FRYL: variants seen among roughly 807,000 people sequenced by gnomAD.
FRYL encodes FRY like transcription coactivator, also known as protein furry homolog-like.
In FRYL, 150 loss-of-function variants were observed where a neutral mutation model predicts 351.2. The observed-to-expected ratio is 0.43, with a 90% CI of 0.37 to 0.49. The LOEUF (loss-of-function observed/expected upper bound fraction) is 0.49, where lower values mean the gene tolerates loss of function less well. Among genes scored for constraint, FRYL ranks in the 20% least tolerant of loss-of-function variants. The pLI is 0.00. For synonymous variants in FRYL, 1,153 were observed against 1,257.1 expected (o/e 0.92, Z 1.75); for missense variants, 3,036 against 3,619.3 (o/e 0.84, Z 4.13).
intron 4 of FRYL, among the ~76,000 whole-genome samples, chr4:48,633,691 TTC>T (rs1753696544): frequency 6.6e-6 from 1 of 152,204 alleles, no homozygotes; most frequent in South Asian, 2.1e-4. Flanking sequence ...TTGATTTTAC[TTC>T]TGTTATTTCT....
chr4:48,620,770 G>A lies in FRYL; in HGVS notation c.183C>T (p.Ser61=). The part of the protein sequence containing the change: ...GEDLQFDQLI[S]SMSSVAEHCL... Reference sequence around the variant, plus strand: ...AGTGCTCTGCTACTGAGCTCATAGAGCTTATCAACTGAAAACACAAGATAT... The same window carrying A: ...AGTGCTCTGCTACTGAGCTCATAGAACTTATCAACTGAAAACACAAGATAT... Residue 61 remains serine, a synonymous_variant, in exon 6 of 64, where the codon AGC becomes AGT. Transcript: ENST00000358350. 2 of 1,611,882 alleles carry A rather than the reference G, an allele frequency of 1.2e-6. No individual in the cohort carries two copies. The highest frequency in any genetic ancestry group is 1.7e-6 in the Non-Finnish European group (2 of 1,178,384).
intron 1 of FRYL, among the ~76,000 whole-genome samples, chr4:48,744,945 C>T (rs1013882932): frequency 2.6e-5 from 4 of 151,918 alleles, no homozygotes; most frequent in South Asian, 2.1e-4. Context: ...ACAAAGAAGG[C>T]GGCAAAGGAT....
intron 33 of FRYL, 33 bp from the exon 34 acceptor site, chr4:48,557,745 G>T (rs1169438571): frequency 6.2e-7 from 1 of 1,607,770 alleles, no homozygotes; most frequent in Non-Finnish European, 8.5e-7. Context: ...GATAACTGAT[G>T]TAATTTCAGC....
rs377758859 is a variant in FRYL at position 48,593,913 on chromosome 4, C to T, written c.1335+17G>A. 8.8e-7 allele frequency: 1 copy of T among 1,134,014 alleles called. No individual in the cohort carries two copies. Among genetic ancestry groups the T allele is most frequent in the Non-Finnish European group, 1.2e-6 (1 of 845,572 alleles). 70.2% of individuals were successfully genotyped at this position (1,134,014 alleles called of 1,614,324 possible). On this transcript the variant is annotated intron_variant, in intron 16 of 63. Transcript: ENST00000358350. ...AAAAATCTAGGATTTTATATTATTA[C>T]ATTATAATTTTTTTACCTCTGGATT...
chr4:48,684,105 T>C (rs1281751533), intron 3 of FRYL, among the ~76,000 whole-genome samples: 1 of 152,182 alleles, frequency 6.6e-6, no homozygotes, highest in Non-Finnish European at 1.5e-5. Context: ...GTAATAGGGA[T>C]AGGATTAGGT....
At chr4:48,602,192 T>A in intron 12 of FRYL, 71 bp from the exon 13 acceptor site, 1 of 759,854 alleles carries the variant, frequency 1.3e-6, no homozygotes, top group South Asian at 1.5e-5. Context: ...AATTTTATAT[T>A]TCATTTATTC....
At chr4:48,592,001 C>G (rs1437688934) in intron 16 of FRYL, among the ~76,000 whole-genome samples, 3 of 150,134 alleles carry the variant, frequency 2.0e-5, no homozygotes, top group Non-Finnish European at 4.4e-5. Flanking sequence ...TGATCTACAC[C>G]AGTGGTCTCT....
chr4:48,757,811 C>T (rs1242573816), intron 1 of FRYL, among the ~76,000 whole-genome samples: 6 of 152,178 alleles, frequency 3.9e-5, no homozygotes, highest in Non-Finnish European at 7.3e-5. Flanking sequence ...AAGCTGGAGG[C>T]ATCATGCTAC....
At chr4:48,669,561 G>T (rs1242651110) in intron 3 of FRYL, among the ~76,000 whole-genome samples, 5 of 148,366 alleles carry the variant, frequency 3.4e-5, no homozygotes, top group Non-Finnish European at 1.5e-5. Context: ...TATTATAAGG[G>T]TATATATATA....
chr4:48,607,826 T>C (rs1747190905), intron 9 of FRYL, among the ~76,000 whole-genome samples: 1 of 152,240 alleles, frequency 6.6e-6, no homozygotes. Context: ...TTGGACTTAC[T>C]ATCCTTGCCA....
intron 4 of FRYL, among the ~76,000 whole-genome samples, chr4:48,630,499 C>T (rs758212210): frequency 2.6e-5 from 4 of 152,036 alleles, no homozygotes; most frequent in Non-Finnish European, 5.9e-5. Flanking sequence ...CTTTTCTAGT[C>T]CCCAGCAATC....
chr4:48,753,750 CTTTAT>C (rs61548635), intron 1 of FRYL, among the ~76,000 whole-genome samples: 77,067 of 151,334 alleles, frequency 0.51, 20,018 homozygotes, highest in African/African-American at 0.6. Context: ...TTTTTAAGAA[CTTTAT>C]AATTTTAACT....
chr4:48,675,382 C>CCTGCG lies in FRYL; in HGVS notation c.-81+9290_-81+9291insCGCAG, dbSNP rs1763452336. ...AAACCGGGGCTGCCTGCGGCGCTTG[C>CCTGCG]GGGCCAGCTGGAGTTCCGGGTGGGC... On this transcript the variant is annotated intron_variant, in intron 3 of 63. Transcript: ENST00000358350. 8.5e-5 allele frequency among the ~76,000 whole-genome samples: 13 copies of CCTGCG among 152,326 alleles called. 1 individual carries two copies. The highest frequency in any genetic ancestry group is 8.5e-4 in the Admixed American group (13 of 15,306).
intron 53 of FRYL, among the ~76,000 whole-genome samples, chr4:48,525,163 G>GTATATATATATATATATATA (rs57457069): frequency 1.4e-5 from 2 of 139,920 alleles, no homozygotes; most frequent in African/African-American, 5.7e-5. Context: ...ATTTTTAAAG[G>GTATATATATATATATATATA]TATATATATA....
At chr4:48,714,310 T>TA (rs1258427619) in intron 1 of FRYL, among the ~76,000 whole-genome samples, 1 of 145,056 alleles carries the variant, frequency 6.9e-6, no homozygotes, top group Non-Finnish European at 1.5e-5. Flanking sequence ...AAAAAACCCT[T>TA]AAAAAAATTA....
chr4:48,652,950 T>A (rs1220294516), intron 3 of FRYL, among the ~76,000 whole-genome samples: 1 of 152,182 alleles, frequency 6.6e-6, no homozygotes, highest in Non-Finnish European at 1.5e-5. Flanking sequence ...AACATGATAA[T>A]AGAACCTGTG....
Position 48,576,216 on chromosome 4 carries a change from G to T in FRYL, c.2535C>A (p.Pro845=). The change falls in exon 24 of 64, where the codon CCC becomes CCA. Residue 845 remains proline, a synonymous_variant. Coordinates refer to ENST00000358350, the MANE Select transcript of FRYL (RefSeq NM_015030.2). ...TGGTATTTACTTTCTTAGCATTGAT[G>T]GGGCTACTAAGGAAAAAAAAAGAAA... The part of the protein sequence containing the change: ...LLSPQVDINS[P]INAKKVNTTT... The T allele has an allele frequency of 6.3e-7, 1 of 1,591,596 alleles. No homozygotes were observed. Among genetic ancestry groups the T allele is most frequent in the Non-Finnish European group, 8.5e-7 (1 of 1,170,498 alleles).
At chr4:48,704,775 C>G (rs565194437) in intron 2 of FRYL, among the ~76,000 whole-genome samples, 1 of 151,968 alleles carries the variant, frequency 6.6e-6, no homozygotes, top group Non-Finnish European at 1.5e-5. Context: ...AAGGCAAAAC[C>G]CCGTCTCTAC....
intron 59 of FRYL, chr4:48,506,145 T>C (rs1208152151): frequency 1.3e-5 from 2 of 152,304 alleles, no homozygotes; most frequent in Non-Finnish European, 2.9e-5. Flanking sequence ...TGGACAGTAA[T>C]GAATGACAAA....
Sources: allele counts gnomAD v4.1 joint callset (sites outside exome capture counted in the v4.1 genomes callset), GRCh38; gene constraint gnomAD v4.1.1; transcripts MANE v1.5; gene names NCBI Gene and HGNC (gene_info 2026-07-23, HGNC 2026-07-21).